KCNMA1: variants seen among roughly 807,000 people sequenced by gnomAD.
KCNMA1 encodes potassium calcium-activated channel subfamily M alpha 1.
In KCNMA1, 29 loss-of-function variants were observed where a neutral mutation model predicts 140.0. The ratio of observed to expected loss-of-function variants is 0.21; its 90% CI spans 0.15 to 0.28. KCNMA1 has a LOEUF of 0.28. KCNMA1 is among the 10% of genes least tolerant of loss of function. The probability of loss-of-function intolerance (pLI) is 1.00; values close to 1 mark genes in which losing one functional copy is unlikely to be tolerated. For missense variants in KCNMA1, 880 were observed against 1,602.2 expected (o/e 0.55, Z 7.70); for synonymous variants, 612 against 611.9 (o/e 1.00, Z 0.00).
At chr10:77,594,119 C>T (rs1362183783) in intron 1 of KCNMA1, among the ~76,000 whole-genome samples, 1 of 152,134 alleles carries the variant, frequency 6.6e-6, no homozygotes, top group Non-Finnish European at 1.5e-5. Flanking sequence ...GCTAGTGTCC[C>T]ATGAAAGTGA....
intron 23 of KCNMA1, among the ~76,000 whole-genome samples, chr10:76,920,974 G>C (rs1425496700): frequency 6.6e-6 from 1 of 152,168 alleles, no homozygotes; most frequent in East Asian, 1.9e-4. Context: ...TTCCATGGGG[G>C]AAACACAAAG....
intron 3 of KCNMA1, among the ~76,000 whole-genome samples, chr10:77,230,692 G>T (rs879778660): frequency 6.6e-6 from 1 of 152,128 alleles, no homozygotes; most frequent in African/African-American, 2.4e-5. Context: ...ACAATATTGA[G>T]AGAAATAATT....
chr10:77,108,646 G>T lies in KCNMA1; in HGVS notation c.1132-74C>A. 9.2e-7 allele frequency: 1 copy of T among 1,087,264 alleles called. No individual in the cohort carries two copies. Among genetic ancestry groups the T allele is most frequent in the Admixed American group, 1.7e-5 (1 of 59,000 alleles). The allele number at this position is 1,087,264 out of a possible 1,614,324, so 67.4% of individuals were successfully genotyped here. ...AAGGGGGGACCTGTTCAGAGGGTGG[G>T]GGCACTAAGATCTGAAAACACAAAA... On this transcript the variant is annotated intron_variant, in intron 8 of 27. Transcript: ENST00000286628. This position sits in a 1 kb window ranked among gnomAD's most constrained non-coding sequence, Gnocchi z 4.6.
rs77809958 is a variant in KCNMA1 at position 77,137,627 on chromosome 10, C to T, written c.809-16579G>A. Among the ~76,000 whole-genome samples the T allele has an allele frequency of 4.0e-3, 611 of 152,292 alleles. 6 individuals carry two copies. The highest frequency in any genetic ancestry group is 0.014 in the African/African-American group (596 of 41,562). ...CAGAGTGAATCTGAGCCTCTCCTTC[C>T]CAGCTGGAGAAAAAGGACTGTCTCG... On this transcript the variant is annotated intron_variant, in intron 5 of 27. Coordinates refer to ENST00000286628, the MANE Select transcript of KCNMA1 (RefSeq NM_001161352.2).
At chr10:77,493,892 C>T (rs908794987) in intron 1 of KCNMA1, 3 of 152,196 alleles carry the variant, frequency 2.0e-5, no homozygotes, top group South Asian at 2.1e-4. Context: ...GTGAAACATA[C>T]AGCCAATCAC....
intron 2 of KCNMA1, among the ~76,000 whole-genome samples, chr10:77,254,579 C>T (rs2060334172): frequency 6.6e-6 from 1 of 152,064 alleles, no homozygotes; most frequent in Admixed American, 6.6e-5. Context: ...TGCTATTATG[C>T]AATTAGTGAT....
chr10:77,045,585 C>G (rs987890404), intron 14 of KCNMA1, among the ~76,000 whole-genome samples: 3 of 152,240 alleles, frequency 2.0e-5, no homozygotes, highest in Non-Finnish European at 2.9e-5. Context: ...AGACAGCTCC[C>G]CCATCAAATG....
In KCNMA1 at chr10:77,129,550, G is replaced by C. The variant is rs535279666; in HGVS notation, c.809-8502C>G. ...TTTTAAAGAACATACTGGCTAACTA[G>C]AAGTTAAATCAATAATACAATAAAA... is the stretch of plus-strand genomic sequence containing the variant. On this transcript the variant is annotated intron_variant, in intron 5 of 27. Transcript: ENST00000286628. Among the ~76,000 whole-genome samples, 6 of 152,188 alleles carry C rather than the reference G, an allele frequency of 3.9e-5. No homozygotes were observed. In the East Asian group the frequency reaches 1.2e-3, roughly 29 times the overall value.
intron 1 of KCNMA1, among the ~76,000 whole-genome samples, chr10:77,592,450 T>C (rs765782283): frequency 1.3e-5 from 2 of 152,236 alleles, no homozygotes; most frequent in Non-Finnish European, 2.9e-5. Flanking sequence ...TTCTTTTCTA[T>C]AGTGATGTAA....
At chr10:77,092,125 C>G (rs2153799918) in intron 9 of KCNMA1, 1 of 152,194 alleles carries the variant, frequency 6.6e-6, no homozygotes, top group Non-Finnish European at 1.5e-5. Flanking sequence ...CCTTAGCCAC[C>G]CACCCAAATT....
In KCNMA1 at chr10:76,949,289, C is replaced by G; in HGVS notation, c.2562G>C (p.Leu854=). Residue 854 remains leucine (L), a synonymous_variant, in exon 22 of 28, where the codon CTG becomes CTC. Transcript: ENST00000286628. ...VCIFGDVSSA[L]IGLRNLVMPL... The stretch of plus-strand genomic sequence containing the variant: ...GCATCACCAGGTTCCGGAGGCCGAT[C>G]AGGGCTGAGCTGACGTCGCCAAAGA... The G allele has an allele frequency of 6.2e-7, 1 of 1,614,058 alleles. No individual in the cohort carries two copies. Among genetic ancestry groups the G allele is most frequent in the Non-Finnish European group, 8.5e-7 (1 of 1,180,010 alleles).
At chr10:77,528,619 A>G (rs1183171423) in intron 1 of KCNMA1, among the ~76,000 whole-genome samples, 2 of 151,192 alleles carry the variant, frequency 1.3e-5, no homozygotes, top group African/African-American at 2.4e-5. Flanking sequence ...AAAAAAAAAA[A>G]AAAAGAAAAG....
At chr10:76,910,335 C>T (rs566490238) in intron 24 of KCNMA1, 79 of 488,228 alleles carry the variant, frequency 1.6e-4, no homozygotes, top group African/African-American at 9.3e-4. Context: ...GCTTGCTCCA[C>T]GGCAGGCCAC....
rs560025817 is a variant in KCNMA1 at position 77,476,572 on chromosome 10, G to C, written c.379-72549C>G. On this transcript the variant is annotated intron_variant, in intron 1 of 27. Transcript: ENST00000286628. ...ACCCCAGGTCCTGAGCGGGTCAGAG[G>C]CTTTTGGCTCCTGCTGTCACAGGCT... Among the ~76,000 whole-genome samples, 13 of 152,324 alleles carry C rather than the reference G, an allele frequency of 8.5e-5. No individual in the cohort carries two copies. In the East Asian group the frequency reaches 2.5e-3, roughly 29 times the overall value.
At chr10:76,888,498 G>A (rs1287135680) in intron 27 of KCNMA1, among the ~76,000 whole-genome samples, 1 of 152,160 alleles carries the variant, frequency 6.6e-6, no homozygotes, top group Non-Finnish European at 1.5e-5. Context: ...AAGCAGGGAT[G>A]AGAAACGCTT....
intron 23 of KCNMA1, among the ~76,000 whole-genome samples, chr10:76,934,684 TA>T (rs1415804752): frequency 1.3e-5 from 2 of 152,182 alleles, no homozygotes; most frequent in Non-Finnish European, 2.9e-5. Context: ...ACATGCAGGA[TA>T]AGGTAGTTGA....
chr10:77,186,074 T>C (rs150691831), intron 3 of KCNMA1, among the ~76,000 whole-genome samples: 22 of 152,266 alleles, frequency 1.4e-4, no homozygotes, highest in African/African-American at 5.1e-4. Context: ...TACCAGTTAG[T>C]ATAGTTGCAC....
At position 77,009,131 on chromosome 10, in the gene KCNMA1, G is replaced by A. The variant is rs934780045; in HGVS notation, c.2092+2836C>T. Among the ~76,000 whole-genome samples, 3 of 152,140 alleles carry A rather than the reference G, an allele frequency of 2.0e-5. No homozygotes were observed. In the South Asian group the frequency reaches 6.2e-4, roughly 32 times the overall value. ...TGAAGAAGCTGAGGTTGGGGGAGGAGGCACAGGGATGTACAGAGAAGGAAG... is the reference window on the plus strand; with the variant it reads ...TGAAGAAGCTGAGGTTGGGGGAGGAAGCACAGGGATGTACAGAGAAGGAAG... On this transcript the variant is annotated intron_variant, in intron 18 of 27. Coordinates refer to ENST00000286628, the MANE Select transcript of KCNMA1 (RefSeq NM_001161352.2).
intron 2 of KCNMA1, among the ~76,000 whole-genome samples, chr10:77,373,396 C>A (rs774272942): frequency 6.6e-6 from 1 of 152,202 alleles, no homozygotes; most frequent in African/African-American, 2.4e-5. Context: ...TGGGAAATTA[C>A]AAGCCCCAGG....
Sources: gnomAD v4.1 joint callset for allele counts (sites outside exome capture counted in the v4.1 genomes callset) on GRCh38, gnomAD v4.1.1 for gene constraint, Gnocchi (gnomAD v3.1) non-coding constraint, MANE v1.5 for transcripts, NCBI Gene and HGNC (gene_info 2026-07-23, HGNC 2026-07-21) for gene names.